CLVS1: variants seen among roughly 807,000 people sequenced by gnomAD.
CLVS1 encodes clavesin 1, also known as clavesin-1.
CLVS1 carries 10 observed loss-of-function variants against 33.1 expected under a neutral mutation model. That is an observed-to-expected ratio of 0.30 (90% CI 0.19 to 0.51). The LOEUF is 0.51. CLVS1 is among the 20% of genes least tolerant of loss of function. The probability of loss-of-function intolerance (pLI) is 0.97; values close to 1 mark genes in which losing one functional copy is unlikely to be tolerated. For missense variants in CLVS1, 343 were observed against 433.4 expected (o/e 0.79, Z 1.85); for synonymous variants, 163 against 166.1 (o/e 0.98, Z 0.14).
intron 1 of CLVS1, among the ~76,000 whole-genome samples, chr8:61,118,287 C>T (rs202184520): frequency 9.3e-5 from 14 of 150,696 alleles, no homozygotes; most frequent in Non-Finnish European, 1.3e-4. Context: ...GTCTTGCTAG[C>T]GGTCTATCAG....
chr8:61,118,078 A>C (rs1224958458), intron 1 of CLVS1, among the ~76,000 whole-genome samples: 1 of 151,932 alleles, frequency 6.6e-6, no homozygotes, highest in African/African-American at 2.4e-5. Flanking sequence ...CAGAGATTCA[A>C]CTTCTTCCTG....
chr8:61,389,814 A>G (rs1348548783), intron 3 of CLVS1, among the ~76,000 whole-genome samples: 2 of 152,122 alleles, frequency 1.3e-5, no homozygotes, highest in Admixed American at 6.5e-5. Flanking sequence ...TAAAGTAGCT[A>G]TAATATGGTA....
the CLVS1 span, among the ~76,000 whole-genome samples, chr8:61,000,724 C>A: frequency 1.1e-4 from 17 of 152,282 alleles, no homozygotes; most frequent in African/African-American, 4.1e-4. Flanking sequence ...GGTTTTCCTG[C>A]AAGTCAAGCC....
intron 1 of CLVS1, among the ~76,000 whole-genome samples, chr8:61,112,216 A>G (rs896571369): frequency 1.3e-4 from 20 of 151,672 alleles, no homozygotes; most frequent in Non-Finnish European, 2.7e-4. Flanking sequence ...ACACACACAC[A>G]CACGCACAGA....
intron 5 of CLVS1, among the ~76,000 whole-genome samples, chr8:61,473,341 TAAAAAA>T (rs58281654): frequency 7.3e-5 from 7 of 96,232 alleles, no homozygotes; most frequent in Non-Finnish European, 1.3e-4. Context: ...TCACGGAATT[TAAAAAA>T]AAAAAAAAAA....
intron 5 of CLVS1, among the ~76,000 whole-genome samples, chr8:61,479,614 C>T (rs1042284993): frequency 5.3e-5 from 8 of 152,154 alleles, no homozygotes; most frequent in Non-Finnish European, 1.2e-4. Context: ...AGCTTTGTTC[C>T]GTTGCTGGTG....
the CLVS1 span, among the ~76,000 whole-genome samples, chr8:61,009,170 A>C: frequency 1.3e-5 from 2 of 151,954 alleles, no homozygotes; most frequent in South Asian, 2.1e-4. Context: ...CACTCTTAAA[A>C]ATTTTTTTTT....
chr8:61,134,890 G>C (rs567327402), intron 2 of CLVS1, among the ~76,000 whole-genome samples: 2 of 152,024 alleles, frequency 1.3e-5, no homozygotes, highest in East Asian at 1.9e-4. Context: ...CATCTTTGCT[G>C]GGGGGGTGGG....
intron 2 of CLVS1, chr8:61,370,725 A>G (rs544431434): frequency 6.6e-6 from 1 of 152,244 alleles, no homozygotes; most frequent in Admixed American, 6.5e-5. Flanking sequence ...CTCATAGCTT[A>G]GCTCCCACTT....
At chr8:61,143,294 A>G (rs1806345583) in intron 2 of CLVS1, among the ~76,000 whole-genome samples, 1 of 152,198 alleles carries the variant, frequency 6.6e-6, no homozygotes, top group African/African-American at 2.4e-5. Context: ...AGTCAACACA[A>G]TAAGCCCCAG....
chr8:61,304,895 G>T (rs57540647), intron 2 of CLVS1, among the ~76,000 whole-genome samples: 5,930 of 152,248 alleles, frequency 0.039, 156 homozygotes, highest in South Asian at 0.084. Flanking sequence ...TCTGGCATAT[G>T]GGGCTGTTGC....
chr8:61,132,515 C>T (rs1029171170), intron 2 of CLVS1, among the ~76,000 whole-genome samples: 2 of 152,156 alleles, frequency 1.3e-5, no homozygotes, highest in Admixed American at 6.5e-5. Flanking sequence ...AGATACCTGC[C>T]CCCAAGAAGC....
intron 5 of CLVS1, among the ~76,000 whole-genome samples, chr8:61,462,339 G>T (rs1040779942): frequency 3.9e-5 from 6 of 152,220 alleles, no homozygotes; most frequent in African/African-American, 1.4e-4. Context: ...CACTATCTAT[G>T]GTAGCTATAG....
At chr8:61,472,410 G>T (rs892425115) in intron 5 of CLVS1, among the ~76,000 whole-genome samples, 2 of 151,982 alleles carry the variant, frequency 1.3e-5, no homozygotes, top group Non-Finnish European at 2.9e-5. Flanking sequence ...AGAGAGGAAG[G>T]AAACAACAAA....
intron 2 of CLVS1, among the ~76,000 whole-genome samples, chr8:61,271,344 C>G (rs1466657229): frequency 1.3e-5 from 2 of 150,536 alleles, no homozygotes; most frequent in African/African-American, 4.9e-5. Context: ...ATTCTTAATC[C>G]TGAGTTCTAG....
chr8:61,044,682 T>C, the CLVS1 span, among the ~76,000 whole-genome samples: 1 of 152,212 alleles, frequency 6.6e-6, no homozygotes, highest in Non-Finnish European at 1.5e-5. Context: ...TGCTGCACTA[T>C]AGCCCCTCTT....
In CLVS1 at chr8:61,500,729, T is replaced by G. The variant is rs1250731082; in HGVS notation, c.*1187T>G. 1 of 152,224 alleles carries G rather than the reference T, an allele frequency of 6.6e-6. No homozygotes were observed. The highest frequency in any genetic ancestry group is 1.5e-5 in the Non-Finnish European group (1 of 68,030). 9.4% of individuals were successfully genotyped at this position (152,224 alleles called of 1,614,324 possible). A position where few individuals can be genotyped will look rare whatever the true frequency, so the allele number is the denominator to read the frequency against. ...TAGACATCTCTTATTCGCCCAGCCA[T>G]CTGCATGACATGGGTATTTATTAGT... On this transcript the variant is annotated 3_prime_UTR_variant, in exon 6 of 6. Transcript: ENST00000325897.
chr8:61,410,231 A>G (rs572393770), intron 3 of CLVS1, among the ~76,000 whole-genome samples: 2 of 152,096 alleles, frequency 1.3e-5, no homozygotes, highest in East Asian at 3.9e-4. Flanking sequence ...ACAGTGTGAG[A>G]TGTTTTGTTT....
chr8:61,269,533 G>A (rs1372409619), intron 2 of CLVS1, among the ~76,000 whole-genome samples: 2 of 151,808 alleles, frequency 1.3e-5, no homozygotes, highest in Non-Finnish European at 2.9e-5. Context: ...CTTTAAAGTA[G>A]TTTTTTCCAA....
Sources: gnomAD v4.1 joint callset for allele counts (sites outside exome capture counted in the v4.1 genomes callset) on GRCh38, gnomAD v4.1.1 for gene constraint, MANE v1.5 for transcripts, NCBI Gene and HGNC (gene_info 2026-07-23, HGNC 2026-07-21) for gene names.